The following RYR3 variants were observed in gnomAD, a reference collection of about 807,000 sequenced individuals.
RYR3 encodes the protein brain ryanodine receptor-calcium release channel.
RYR3 carries 207 observed loss-of-function variants against 584.3 expected under a neutral mutation model. The observed-to-expected ratio is 0.35, with a 90% CI of 0.32 to 0.40. The LOEUF (loss-of-function observed/expected upper bound fraction) is 0.40, where lower values mean the gene tolerates loss of function less well. RYR3 is among the 10% of genes least tolerant of loss of function. The pLI is 1.00. For synonymous variants in RYR3, 2,416 were observed against 2,248.5 expected (o/e 1.07, Z -2.11); for missense variants, 5,616 against 6,089.2 (o/e 0.92, Z 2.59).
rs140042967 is a variant in RYR3, at chr15:33,596,775, C to T, written c.1789-4644C>T. Among the ~76,000 whole-genome samples the T allele has an allele frequency of 7.2e-3, 1,100 of 152,184 alleles. 9 individuals carry two copies. The highest frequency in any genetic ancestry group is 0.025 in the African/African-American group (1,037 of 41,534). On this transcript the variant is annotated intron_variant, in intron 16 of 103. Coordinates refer to ENST00000634891, the MANE Select transcript of RYR3 (RefSeq NM_001036.6). ...TGCCATTCCTTTCAATGGCAAAAAC[C>T]ATAATCTCTTTGCTATAGAACACTA... is the stretch of plus-strand genomic sequence containing the variant.
chr15:33,326,393 C>G (rs1179561616), intron 1 of RYR3, among the ~76,000 whole-genome samples: 2 of 152,304 alleles, frequency 1.3e-5, no homozygotes, highest in Admixed American at 1.3e-4. Context: ...CACATAATCC[C>G]ATTTTCAAGG....
At chr15:33,462,326 T>C (rs981605164) in intron 1 of RYR3, among the ~76,000 whole-genome samples, 4 of 152,082 alleles carry the variant, frequency 2.6e-5, no homozygotes, top group African/African-American at 4.8e-5. Flanking sequence ...ATTCAAAGAG[T>C]ATCCTACATG....
chr15:33,773,510 AATG>A (rs750899840), intron 63 of RYR3, 21 bp from the exon 64 acceptor site: 36 of 1,548,256 alleles, frequency 2.3e-5, no homozygotes, highest in Non-Finnish European at 3.1e-5. Context: ...GATGCAAATC[AATG>A]ATATTTCTTC....
At position 33,689,669 on chromosome 15, in the gene RYR3, TA is replaced by T. The variant is rs552601342; in HGVS notation, c.5861-6542del. On this transcript the variant is annotated intron_variant, in intron 38 of 103. Transcript: ENST00000634891. ...TTCTAGAAATATAAAAAACTTCAGA[TA>T]AAAAAAGCCATTGGAAGAAAAGAGG... 2.0e-5 allele frequency among the ~76,000 whole-genome samples: 3 copies of T among 152,290 alleles called. No individual in the cohort carries two copies. The South Asian group carries it at 6.2e-4, about 32-fold the overall frequency.
chr15:33,326,441 A>G (rs924653172), intron 1 of RYR3, among the ~76,000 whole-genome samples: 1 of 152,238 alleles, frequency 6.6e-6, no homozygotes, highest in Non-Finnish European at 1.5e-5. Flanking sequence ...TATCTAAGGA[A>G]CTAACAAGAA....
In RYR3 at chr15:33,865,264, A is replaced by AAGAAG; in HGVS notation, c.*38_*39insAGAAG. On this transcript the variant is annotated 3_prime_UTR_variant, in exon 104 of 104. Coordinates refer to ENST00000634891, the MANE Select transcript of RYR3 (RefSeq NM_001036.6). The stretch of plus-strand genomic sequence containing the variant: ...GAAGCGCGACAATTCTGGACAGTCA[A>AAGAAG]CTTCCCATGAAATAAAGTCCCCTTT... 1 of 1,455,492 alleles carries AAGAAG rather than the reference A, an allele frequency of 6.9e-7. No individual in the cohort carries two copies. The highest frequency in any genetic ancestry group is 9.6e-7 in the Non-Finnish European group (1 of 1,042,370). 90.2% of individuals were successfully genotyped at this position (1,455,492 alleles called of 1,614,324 possible). A position where few individuals can be genotyped will look rare whatever the true frequency, so the allele number is the denominator to read the frequency against.
At chr15:33,426,026 G>A (rs932660403) in intron 1 of RYR3, among the ~76,000 whole-genome samples, 1 of 152,068 alleles carries the variant, frequency 6.6e-6, no homozygotes, top group East Asian at 1.9e-4. Flanking sequence ...ACCCTCTGAT[G>A]TTATGTAAAG....
In RYR3 at chr15:33,810,974, AC is replaced by A; in HGVS notation, c.10198-3del. 1 of 1,604,762 alleles carries A rather than the reference AC, an allele frequency of 6.2e-7. No homozygotes were observed. The highest frequency in any genetic ancestry group is 8.5e-7 in the Non-Finnish European group (1 of 1,175,562). On this transcript the variant is annotated splice_region_variant and splice_polypyrimidine_tract_variant and intron_variant, in intron 71 of 103. Coordinates refer to ENST00000634891, the MANE Select transcript of RYR3 (RefSeq NM_001036.6). The stretch of plus-strand genomic sequence containing the variant: ...GGAATAAAATCTGACATCTCTTTCC[AC>A]AGAGGGACACAGATGAAGAGGTCAG...
chr15:33,632,898 A>G, intron 23 of RYR3, 51 bp from the exon 24 acceptor site: 4 of 1,528,280 alleles, frequency 2.6e-6, no homozygotes, highest in Non-Finnish European at 3.6e-6. Context: ...ATCCGGAATG[A>G]GAAACTCATG....
At chr15:33,603,090 G>A (rs777493449) in intron 17 of RYR3, 33 bp from the exon 18 acceptor site, 18 of 1,611,122 alleles carry the variant, frequency 1.1e-5, no homozygotes, top group South Asian at 8.8e-5. Flanking sequence ...TTTTAAGGGT[G>A]TGTAGATGCC....
At chr15:33,442,249 C>A (rs886434977) in intron 1 of RYR3, among the ~76,000 whole-genome samples, 5 of 152,074 alleles carry the variant, frequency 3.3e-5, no homozygotes, top group Non-Finnish European at 5.9e-5. Flanking sequence ...GGAAATATAG[C>A]TAAAAGATGG....
chr15:33,456,301 C>T (rs139794691), intron 1 of RYR3, among the ~76,000 whole-genome samples: 4 of 152,152 alleles, frequency 2.6e-5, no homozygotes, highest in Admixed American at 6.5e-5. Flanking sequence ...AAGAATTGAT[C>T]GCGCAGAATG....
At position 33,613,514 on chromosome 15, in the gene RYR3, C is replaced by T. The variant is rs2060300501; in HGVS notation, c.2357+139C>T. 6 of 829,014 alleles carry T rather than the reference C, an allele frequency of 7.2e-6. No homozygotes were observed. The East Asian group carries it at 1.7e-4, about 23-fold the overall frequency. The allele number at this position is 829,014 out of a possible 1,614,324, so 51.4% of individuals were successfully genotyped here. ...CCCCAGGACAGTGATGGTGCAAGGG[C>T]AAGAGCCAACTAGAGTCATTTGCTC... On this transcript the variant is annotated intron_variant, in intron 19 of 103. Transcript: ENST00000634891.
At chr15:33,435,882 C>T (rs998024787) in intron 1 of RYR3, among the ~76,000 whole-genome samples, 2 of 152,210 alleles carry the variant, frequency 1.3e-5, no homozygotes, top group African/African-American at 2.4e-5. Flanking sequence ...AGTGAGTTGC[C>T]ACTACTGGCT....
At chr15:33,541,078 A>G (rs1209734094) in intron 7 of RYR3, among the ~76,000 whole-genome samples, 188 bp downstream of exon 7, 1 of 152,036 alleles carries the variant, frequency 6.6e-6, no homozygotes, top group East Asian at 1.9e-4. Flanking sequence ...TTCCAGTTAC[A>G]TGAGCATCCC....
intron 65 of RYR3, among the ~76,000 whole-genome samples, chr15:33,784,674 T>C (rs2074595830): frequency 6.6e-6 from 1 of 152,194 alleles, no homozygotes; most frequent in Admixed American, 6.5e-5. Flanking sequence ...GTTAGATCAA[T>C]GGGTGCGTAT....
At chr15:33,749,144 A>C (rs927056221) in intron 55 of RYR3, among the ~76,000 whole-genome samples, 1 of 152,192 alleles carries the variant, frequency 6.6e-6, no homozygotes, top group African/African-American at 2.4e-5. Context: ...ACCAAAATAA[A>C]TAAGACAGCT....
At chr15:33,612,146 A>G (rs1345591092) in intron 18 of RYR3, among the ~76,000 whole-genome samples, 1 of 152,288 alleles carries the variant, frequency 6.6e-6, no homozygotes, top group East Asian at 1.9e-4. Flanking sequence ...AATTATTAAT[A>G]TTTACTTTTA....
chr15:33,347,235 T>G (rs1010217581), intron 1 of RYR3, among the ~76,000 whole-genome samples: 5 of 152,186 alleles, frequency 3.3e-5, no homozygotes, highest in African/African-American at 4.8e-5. Flanking sequence ...AAGAGGTATG[T>G]TCCACCTGTT....
Sources: gnomAD v4.1 joint callset for allele counts (sites outside exome capture counted in the v4.1 genomes callset) on GRCh38, gnomAD v4.1.1 for gene constraint, MANE v1.5 for transcripts, NCBI Gene and HGNC (gene_info 2026-07-23, HGNC 2026-07-21) for gene names.